Variants in EDNRB observed in about 807,000 individuals in gnomAD.
The protein encoded by EDNRB is Hirschsprung disease 2.
A neutral mutation model predicts 46.4 loss-of-function variants in EDNRB; 18 were observed. That is an observed-to-expected ratio of 0.39 (90% confidence interval 0.27 to 0.57). The LOEUF is 0.57. EDNRB is among the 20% of genes least tolerant of loss of function. The pLI, the probability that EDNRB is intolerant of heterozygous loss-of-function variation, is 0.61. For synonymous variants in EDNRB, 213 were observed against 204.9 expected (o/e 1.04, Z -0.34); for missense variants, 434 against 537.5 (o/e 0.81, Z 1.90).
chr13:77,972,971 G>A (rs1344801233), intron 1 of EDNRB, among the ~76,000 whole-genome samples: 6 of 152,056 alleles, frequency 3.9e-5, no homozygotes, highest in Non-Finnish European at 8.8e-5. Flanking sequence ...TTCCCAGGCT[G>A]GCTCGAGTTT....
intron 1 of EDNRB, among the ~76,000 whole-genome samples, chr13:77,932,663 A>G (rs1398145017): frequency 6.6e-6 from 1 of 152,234 alleles, no homozygotes; most frequent in Non-Finnish European, 1.5e-5. Context: ...TTGCATGTGT[A>G]TGTCCAGTCA....
chr13:77,969,035 AAC>A (rs1306993406), intron 1 of EDNRB, among the ~76,000 whole-genome samples: 3 of 152,198 alleles, frequency 2.0e-5, no homozygotes, highest in African/African-American at 4.8e-5. Context: ...AGAGTTTTAA[AAC>A]AGTTTTCTAA....
At chr13:77,953,943 T>A (rs2049112429) in intron 1 of EDNRB, among the ~76,000 whole-genome samples, 2 of 152,220 alleles carry the variant, frequency 1.3e-5, no homozygotes, top group African/African-American at 2.4e-5. Flanking sequence ...TAGTATTTTT[T>A]AAAACTTCAC....
At chr13:77,954,868 G>A (rs1047850500) in intron 1 of EDNRB, among the ~76,000 whole-genome samples, 20 of 151,960 alleles carry the variant, frequency 1.3e-4, no homozygotes, top group African/African-American at 4.6e-4. Flanking sequence ...TCCTTCATTT[G>A]TAATGGACAT....
Position 77,918,433 on chromosome 13 carries a change from C to T in EDNRB, c.141G>A (p.Thr47=). ...TPLLQTAEIM[T]PPTKTLWPKG... ...TGGGCCATAAGGTCTTAGTGGGTGG[C>T]GTCATTATCTCTGCGGTTTGCAAAA... is the stretch of plus-strand genomic sequence containing the variant. The change falls in exon 1 of 7, where the codon ACG becomes ACA. Residue 47 remains threonine, a synonymous_variant. Transcript: ENST00000646607. This position sits in a 1 kb window ranked among gnomAD's most constrained non-coding sequence, Gnocchi z 4.5. 6.4e-7 allele frequency: 1 copy of T among 1,570,022 alleles called. No homozygotes were observed. The highest frequency in any genetic ancestry group is 8.6e-7 in the Non-Finnish European group (1 of 1,159,730).
intron 1 of EDNRB, among the ~76,000 whole-genome samples, chr13:77,949,349 G>A (rs7319342): frequency 0.59 from 90,074 of 152,008 alleles, 28,037 homozygotes; most frequent in Middle Eastern, 0.74. Flanking sequence ...ACTGCCCAAT[G>A]CTAAGTTCTT....
chr13:77,896,683 G>A lies in EDNRB; in HGVS notation c.*1517C>T, dbSNP rs200880907. The A allele has an allele frequency of 2.1e-6, 3 of 1,451,856 alleles. No homozygotes were observed. Among genetic ancestry groups the A allele is most frequent in the Non-Finnish European group, 2.7e-6 (3 of 1,108,440 alleles). 89.9% of individuals were successfully genotyped at this position (1,451,856 alleles called of 1,614,324 possible). A position where few individuals can be genotyped will look rare whatever the true frequency, so the allele number is the denominator to read the frequency against. ...ACTGTGTTTTGCTGGAACAAAATCA[G>A]GACCTTTTGCATTGATGTGACGAGG... is the stretch of plus-strand genomic sequence containing the variant. On this transcript the variant is annotated 3_prime_UTR_variant, in exon 7 of 7. Transcript: ENST00000646607.
intron 1 of EDNRB, among the ~76,000 whole-genome samples, chr13:77,908,276 G>A (rs1879391325): frequency 6.6e-6 from 1 of 151,892 alleles, no homozygotes; most frequent in Non-Finnish European, 1.5e-5. Flanking sequence ...AGCAAAGCCT[G>A]ATACTCTGTG....
chr13:77,929,062 T>C (rs1880315725), intron 1 of EDNRB, among the ~76,000 whole-genome samples: 2 of 152,164 alleles, frequency 1.3e-5, no homozygotes, highest in African/African-American at 4.8e-5. Flanking sequence ...TTGATGAAGG[T>C]CAAAAGGTTA....
chr13:77,918,688 A>C lies in EDNRB; in HGVS notation c.-115T>G. ...TCAGCTGCCCGAGCCAAGTCGCTGC[A>C]AACGCTAATACCGCCCGCAGCCTCT... is the stretch of plus-strand genomic sequence containing the variant. On this transcript the variant is annotated 5_prime_UTR_variant, in exon 1 of 7. Coordinates refer to ENST00000646607, the MANE Select transcript of EDNRB (RefSeq NM_001122659.3). The surrounding 1 kb of genome is among the most constrained non-coding windows in gnomAD (Gnocchi z 4.5). The C allele has an allele frequency of 7.0e-7, 1 of 1,436,062 alleles. No homozygotes were observed. The highest frequency in any genetic ancestry group is 9.1e-7 in the Non-Finnish European group (1 of 1,101,560). The allele number at this position is 1,436,062 out of a possible 1,614,324, so 89.0% of individuals were successfully genotyped here. A position where few individuals can be genotyped will look rare whatever the true frequency, so the allele number is the denominator to read the frequency against.
rs200939685 is a variant in EDNRB, at chr13:77,899,914, C to G, written c.1139G>C (p.Cys380Ser). 37 of 1,611,830 alleles carry G rather than the reference C, an allele frequency of 2.3e-5. No individual in the cohort carries two copies. The highest frequency in any genetic ancestry group is 3.1e-5 in the Non-Finnish European group (37 of 1,178,750). The change falls in exon 6 of 7, where the codon TGC (cysteine) becomes TCC (serine). Residue 380 changes from cysteine to serine, a missense_variant. Cys to Ser is a moderately radical substitution (Grantham distance 112). Transcript: ENST00000646607. ...IGINMASLNS[C>S]INPIALYLVS... ...CAAATACAGAGCAATTGGGTTAATGCAGGAATTCAGTGAAGCCATGTTGAT... is the reference window on the plus strand; with the variant it reads ...CAAATACAGAGCAATTGGGTTAATGGAGGAATTCAGTGAAGCCATGTTGAT...
intron 1 of EDNRB, among the ~76,000 whole-genome samples, chr13:77,935,768 G>T (rs893761990): frequency 9.9e-5 from 15 of 152,164 alleles, no homozygotes; most frequent in African/African-American, 3.6e-4. Context: ...GCAAAGAAAG[G>T]CTGGGATGAA....
intron 1 of EDNRB, among the ~76,000 whole-genome samples, chr13:77,916,831 TTGC>T (rs146176595): frequency 1.4e-3 from 209 of 152,168 alleles, no homozygotes; most frequent in African/African-American, 4.5e-3. Context: ...CAACTTTCTA[TTGC>T]TGCTGCTGCT....
chr13:77,922,698 CTG>C (rs1261744132), upstream of EDNRB, among the ~76,000 whole-genome samples: 9 of 152,194 alleles, frequency 5.9e-5, no homozygotes, highest in African/African-American at 1.9e-4. Flanking sequence ...TATTAAGTGA[CTG>C]TAGCTATCTG....
At chr13:77,955,892 TCTA>T (rs1881224806) in intron 1 of EDNRB, among the ~76,000 whole-genome samples, 1 of 151,490 alleles carries the variant, frequency 6.6e-6, no homozygotes, top group South Asian at 2.1e-4. Flanking sequence ...TATCTATCTA[TCTA>T]TTTTTATGCC....
chr13:77,959,070 G>A lies in EDNRB; in HGVS notation c.-52+16277C>T, dbSNP rs7317297. Among the ~76,000 whole-genome samples, 7 of 152,306 alleles carry A rather than the reference G, an allele frequency of 4.6e-5. No homozygotes were observed. In the South Asian group the frequency reaches 8.3e-4, roughly 18 times the overall value. On this transcript the variant is annotated intron_variant, in intron 1 of 7. Coordinates refer to the EDNRB transcript ENST00000646948. Reference sequence around the variant, plus strand: ...CTTGAATTATTGAGAGATTATAGGCGATTAAAATAGAACATTAATATTACA... The same window carrying A: ...CTTGAATTATTGAGAGATTATAGGCAATTAAAATAGAACATTAATATTACA...
At chr13:77,963,570 T>G (rs1335362395) in intron 1 of EDNRB, among the ~76,000 whole-genome samples, 1 of 152,098 alleles carries the variant, frequency 6.6e-6, no homozygotes, top group Non-Finnish European at 1.5e-5. Context: ...TAGCCATATG[T>G]AGAAAGCTGA....
intron 1 of EDNRB, among the ~76,000 whole-genome samples, chr13:77,905,719 A>G (rs1879240655): frequency 6.6e-6 from 1 of 151,998 alleles, no homozygotes; most frequent in Non-Finnish European, 1.5e-5. Context: ...ACTTGACTGA[A>G]ATAAGACAGT....
At chr13:77,967,517 T>C (rs946899273) in intron 1 of EDNRB, among the ~76,000 whole-genome samples, 4 of 152,208 alleles carry the variant, frequency 2.6e-5, no homozygotes, top group African/African-American at 9.6e-5. Context: ...CAATTACCAC[T>C]AGACTTCTTG....
Sources: gnomAD v4.1 joint callset for allele counts (sites outside exome capture counted in the v4.1 genomes callset) on GRCh38, gnomAD v4.1.1 for gene constraint, Gnocchi (gnomAD v3.1) non-coding constraint, MANE v1.5 for transcripts, NCBI Gene and HGNC (gene_info 2026-07-23, HGNC 2026-07-21) for gene names.